Variants in OXCT1 observed in about 807,000 individuals in gnomAD.
OXCT1 encodes the protein succinyl-CoA:3-ketoacid coenzyme A transferase 1, mitochondrial.
In OXCT1, 27 loss-of-function variants were observed where a neutral mutation model predicts 69.6. The observed-to-expected ratio is 0.39, with a 90% confidence interval of 0.29 to 0.54. OXCT1 has a LOEUF of 0.54. Ranked by LOEUF, OXCT1 falls within the 20% of genes least tolerant of loss-of-function variation. The pLI is 0.72. For missense variants in OXCT1, 437 were observed against 650.2 expected (o/e 0.67, Z 3.57); for synonymous variants, 202 against 217.8 (o/e 0.93, Z 0.64).
chr5:41,808,400 T>C (rs1746791900), intron 7 of OXCT1, among the ~76,000 whole-genome samples: 1 of 152,102 alleles, frequency 6.6e-6, no homozygotes, highest in African/African-American at 2.4e-5. Context: ...TCTGGAAATC[T>C]GTGAGGTTAA....
At chr5:41,759,001 G>A (rs2112089655) in intron 14 of OXCT1, among the ~76,000 whole-genome samples, 1 of 149,690 alleles carries the variant, frequency 6.7e-6, no homozygotes, top group African/African-American at 2.5e-5. Context: ...GGTATTAGAA[G>A]ATATAATTAG....
At chr5:41,864,778 T>C (rs1749887509) in intron 1 of OXCT1, among the ~76,000 whole-genome samples, 1 of 152,188 alleles carries the variant, frequency 6.6e-6, no homozygotes. Context: ...TTTTGAAACC[T>C]CTCATACTCC....
At chr5:41,766,568 C>CAAAA (rs35725846) in intron 13 of OXCT1, among the ~76,000 whole-genome samples, 7 of 120,002 alleles carry the variant, frequency 5.8e-5, no homozygotes, top group Non-Finnish European at 1.1e-4. Context: ...CATTGTACTC[C>CAAAA]AAAAAAAAAA....
At chr5:41,816,605 AC>A (rs2112314354) in intron 7 of OXCT1, among the ~76,000 whole-genome samples, 1 of 152,212 alleles carries the variant, frequency 6.6e-6, no homozygotes, top group African/African-American at 2.4e-5. Context: ...AATCATTCTG[AC>A]CCTTGAGAGG....
intron 1 of OXCT1, among the ~76,000 whole-genome samples, chr5:41,866,796 G>T (rs1315537656): frequency 6.6e-6 from 1 of 152,188 alleles, no homozygotes; most frequent in African/African-American, 2.4e-5. Context: ...AATGCTGGAG[G>T]GATACTCAGT....
At chr5:41,815,235 T>C (rs1747183627) in intron 7 of OXCT1, among the ~76,000 whole-genome samples, 1 of 152,134 alleles carries the variant, frequency 6.6e-6, no homozygotes, top group African/African-American at 2.4e-5. Flanking sequence ...AGAATTGTTT[T>C]AAAAAAATAA....
chr5:41,850,080 T>C lies in OXCT1; in HGVS notation c.514A>G (p.Ile172Val). The C allele has an allele frequency of 6.2e-7, 1 of 1,614,032 alleles. No individual in the cohort carries two copies. The highest frequency in any genetic ancestry group is 1.3e-5 in the African/African-American group (1 of 75,044). ...GTLVQEGGSP[I>V]KYNKDGSVAI... The stretch of plus-strand genomic sequence containing the variant: ...ACACTGCCATCTTTGTTGTATTTGA[T>C]GGGCGATCCTCCTTCTTGTACCAGG... The change falls in exon 5 of 17, where the codon ATC (isoleucine) becomes GTC (valine). Residue 172 changes from isoleucine (I) to valine (V), a missense_variant. This residue lies in a region of OXCT1 where 252 missense variants were observed against 397.4 expected (regional missense o/e 0.63). Coordinates refer to ENST00000196371, the MANE Select transcript of OXCT1 (RefSeq NM_000436.4).
intron 13 of OXCT1, among the ~76,000 whole-genome samples, chr5:41,771,063 C>G (rs962551014): frequency 6.6e-6 from 1 of 152,162 alleles, no homozygotes; most frequent in African/African-American, 2.4e-5. Flanking sequence ...ATAGTCCAGA[C>G]AAACCACTTT....
intron 5 of OXCT1, among the ~76,000 whole-genome samples, chr5:41,846,121 TATG>T (rs1748891751): frequency 6.6e-6 from 1 of 151,822 alleles, no homozygotes; most frequent in Non-Finnish European, 1.5e-5. Flanking sequence ...TGTATGTATG[TATG>T]TATTTATTTA....
chr5:41,761,038 G>A (rs1744321768), intron 14 of OXCT1, among the ~76,000 whole-genome samples: 1 of 152,116 alleles, frequency 6.6e-6, no homozygotes, highest in South Asian at 2.1e-4. Flanking sequence ...AGGTCTCAAA[G>A]TGAGAAGAGG....
intron 5 of OXCT1, among the ~76,000 whole-genome samples, chr5:41,847,297 C>T (rs1161108462): frequency 3.9e-5 from 6 of 151,996 alleles, no homozygotes; most frequent in African/African-American, 1.5e-4. Context: ...AATAGCTTAC[C>T]AACCAAAAAC....
chr5:41,865,956 A>G (rs968873360), intron 1 of OXCT1, among the ~76,000 whole-genome samples: 7 of 150,546 alleles, frequency 4.6e-5, no homozygotes, highest in African/African-American at 1.7e-4. Flanking sequence ...ATATAAATGT[A>G]TATATTTATG....
intron 16 of OXCT1, 144 bp from the exon 17 acceptor site, chr5:41,731,914 C>T: frequency 9.5e-7 from 1 of 1,055,074 alleles, no homozygotes; most frequent in Non-Finnish European, 1.4e-6. Flanking sequence ...ATTTTCCATC[C>T]TGAAACATTG....
chr5:41,776,431 A>T (rs1745124148), intron 13 of OXCT1, among the ~76,000 whole-genome samples: 1 of 152,362 alleles, frequency 6.6e-6, no homozygotes. Context: ...AAATTTATTT[A>T]AAAAACTCAG....
At chr5:41,861,253 T>C in intron 3 of OXCT1, 61 bp downstream of exon 3, 1 of 1,040,546 alleles carries the variant, frequency 9.6e-7, no homozygotes, top group South Asian at 1.3e-5. Flanking sequence ...TGATAAACTC[T>C]GTTTAAATAT....
intron 1 of OXCT1, 58 bp from the exon 2 acceptor site, chr5:41,862,808 T>C (rs1174192929): frequency 2.0e-6 from 2 of 1,002,440 alleles, no homozygotes; most frequent in Non-Finnish European, 3.2e-6. Context: ...TTACTTTGTG[T>C]GTGTAGCAAT....
chr5:41,819,847 T>A (rs1253712766), intron 7 of OXCT1, among the ~76,000 whole-genome samples: 1 of 152,178 alleles, frequency 6.6e-6, no homozygotes, highest in Non-Finnish European at 1.5e-5. Context: ...GGTTACCTTC[T>A]CTCTGGGAAT....
intron 16 of OXCT1, among the ~76,000 whole-genome samples, chr5:41,733,140 A>T (rs1341526881): frequency 1.3e-5 from 2 of 152,140 alleles, no homozygotes; most frequent in Non-Finnish European, 2.9e-5. Flanking sequence ...CAGATTTTCA[A>T]CTCTACTAAT....
intron 1 of OXCT1, among the ~76,000 whole-genome samples, chr5:41,863,649 G>T (rs1017877002): frequency 6.6e-6 from 1 of 151,970 alleles, no homozygotes; most frequent in African/African-American, 2.4e-5. Context: ...CATCATTTGT[G>T]GCCACCCAAA....
Sources: gnomAD v4.1 joint callset for allele counts (sites outside exome capture counted in the v4.1 genomes callset) on GRCh38, gnomAD v4.1.1 for gene constraint, gnomAD v4.1.1 regional missense constraint, MANE v1.5 for transcripts, NCBI Gene and HGNC (gene_info 2026-07-23, HGNC 2026-07-21) for gene names.